The following SCLT1 variants were observed in gnomAD, a reference collection of about 807,000 sequenced individuals.
SCLT1 encodes sodium channel-associated protein 1.
SCLT1 carries 78 observed loss-of-function variants against 112.8 expected under a neutral mutation model. The observed-to-expected ratio is 0.69, with a 90% CI of 0.58 to 0.83. The LOEUF (loss-of-function observed/expected upper bound fraction) is 0.83, where lower values mean the gene tolerates loss of function less well. SCLT1 is among the 40% of genes least tolerant of loss of function. The pLI is 0.00. For synonymous variants in SCLT1, 257 were observed against 254.7 expected, an observed-to-expected ratio of 1.01 and a Z score of -0.09; for missense variants, 747 against 770.4, an observed-to-expected ratio of 0.97 and a Z score of 0.36.
At chr4:129,059,319 T>C (rs986838975) in intron 2 of SCLT1, among the ~76,000 whole-genome samples, 1 of 152,178 alleles carries the variant, frequency 6.6e-6, no homozygotes, top group African/African-American at 2.4e-5. Context: ...CCTGTCACTT[T>C]GTTATTTGTT....
downstream of SCLT1, among the ~76,000 whole-genome samples, chr4:128,881,480 T>C (rs917799074): frequency 8.5e-5 from 13 of 152,178 alleles, no homozygotes; most frequent in Admixed American, 8.5e-4. Context: ...TTTGGGGTGG[T>C]TATAATTCTC....
chr4:128,910,838 T>C (rs903302747), intron 18 of SCLT1, among the ~76,000 whole-genome samples: 1 of 152,164 alleles, frequency 6.6e-6, no homozygotes, highest in Non-Finnish European at 1.5e-5. Flanking sequence ...TCTGATTTTA[T>C]ATTTTTTTTT....
intron 18 of SCLT1, among the ~76,000 whole-genome samples, chr4:128,909,354 G>A (rs955483715): frequency 1.3e-5 from 2 of 151,984 alleles, no homozygotes; most frequent in African/African-American, 4.8e-5. Flanking sequence ...GGCTCAAGTG[G>A]TTCTCCCACC....
At chr4:128,970,045 A>G (rs564352677) in intron 10 of SCLT1, among the ~76,000 whole-genome samples, 48 of 152,328 alleles carry the variant, frequency 3.2e-4, no homozygotes, top group African/African-American at 1.1e-3. Context: ...ACTTTAGTAA[A>G]TAACATAAAA....
At chr4:128,901,118 C>T (rs545784081) in intron 18 of SCLT1, among the ~76,000 whole-genome samples, 23 of 152,288 alleles carry the variant, frequency 1.5e-4, no homozygotes, top group African/African-American at 4.6e-4. Context: ...TGAGGCAATT[C>T]CTCAGGGATC....
chr4:129,056,083 C>T (rs62316972), intron 2 of SCLT1, among the ~76,000 whole-genome samples: 13,399 of 152,212 alleles, frequency 0.088, 760 homozygotes, highest in South Asian at 0.15. Flanking sequence ...TGATGCTCCA[C>T]CCTGCTTCTG....
intron 2 of SCLT1, among the ~76,000 whole-genome samples, chr4:129,045,414 A>G (rs1748094754): frequency 6.6e-6 from 1 of 152,156 alleles, no homozygotes. Context: ...TAACATGACC[A>G]GAAATTTTGT....
intron 8 of SCLT1, among the ~76,000 whole-genome samples, chr4:128,995,597 A>C (rs547853248): frequency 6.6e-6 from 1 of 152,058 alleles, no homozygotes. Context: ...GACCCCCACA[A>C]ATCAGCTGGC....
chr4:129,072,941 G>A (rs997538016), intron 2 of SCLT1, among the ~76,000 whole-genome samples: 9 of 152,058 alleles, frequency 5.9e-5, no homozygotes. Context: ...CTCTATCAGA[G>A]GAAAGGTCTA....
rs1202738234 is a variant in SCLT1, at chr4:128,944,464, G to C, written c.1440-1276C>G. Among the ~76,000 whole-genome samples the C allele has an allele frequency of 3.3e-5, 5 of 152,120 alleles. No individual in the cohort carries two copies. In the East Asian group the frequency reaches 7.7e-4, roughly 23 times the overall value. On this transcript the variant is annotated intron_variant, in intron 16 of 20. Coordinates refer to ENST00000281142, the MANE Select transcript of SCLT1 (RefSeq NM_144643.4). ...TAGTTTTTAGGAATTACATGAGACA[G>C]AGTAAATAGCATCAATATACAGGCA...
At chr4:128,994,643 G>T (rs1202309711) in intron 8 of SCLT1, among the ~76,000 whole-genome samples, 1 of 152,004 alleles carries the variant, frequency 6.6e-6, no homozygotes, top group African/African-American at 2.4e-5. Context: ...AATGTTCAAG[G>T]TTTCCAATTT....
chr4:128,884,555 A>G lies in SCLT1; in HGVS notation c.2005-16T>C. 2 of 1,557,218 alleles carry G rather than the reference A, an allele frequency of 1.3e-6. No homozygotes were observed. Among genetic ancestry groups the G allele is most frequent in the East Asian group, 2.2e-5 (1 of 44,544 alleles). ...TCACACTGAGCTGCAATTAAAATAA[A>G]CAATCGGTAAGTAGTTACTTTTTCT... On this transcript the variant is annotated splice_polypyrimidine_tract_variant and intron_variant, in intron 20 of 20. Coordinates refer to ENST00000281142, the MANE Select transcript of SCLT1 (RefSeq NM_144643.4).
chr4:128,889,831 A>T (rs1197179479), intron 19 of SCLT1, among the ~76,000 whole-genome samples: 2 of 152,222 alleles, frequency 1.3e-5, no homozygotes, highest in East Asian at 3.8e-4. Flanking sequence ...CCTAATCAGG[A>T]AGAGTTAGAA....
At chr4:128,907,921 A>G (rs1310238291) in intron 18 of SCLT1, among the ~76,000 whole-genome samples, 1 of 152,226 alleles carries the variant, frequency 6.6e-6, no homozygotes, top group Non-Finnish European at 1.5e-5. Context: ...GAAATAAAAC[A>G]AAGTTACTTA....
At chr4:128,948,385 A>G in intron 15 of SCLT1, 111 bp downstream of exon 15, 1 of 1,222,854 alleles carries the variant, frequency 8.2e-7, no homozygotes, top group Non-Finnish European at 1.1e-6. Flanking sequence ...ACTTACCAGG[A>G]CAATACTAAC....
At chr4:128,985,959 C>T (rs1012919910) in intron 9 of SCLT1, among the ~76,000 whole-genome samples, 2 of 152,086 alleles carry the variant, frequency 1.3e-5, no homozygotes, top group Non-Finnish European at 2.9e-5. Context: ...CAACCATTCC[C>T]CTGCAAAAAT....
intron 18 of SCLT1, among the ~76,000 whole-genome samples, chr4:128,916,812 A>G (rs954633978): frequency 6.6e-6 from 1 of 152,198 alleles, no homozygotes; most frequent in Non-Finnish European, 1.5e-5. Context: ...GTATAGTTAT[A>G]CGTCTTGACT....
At chr4:129,024,736 T>C (rs1308870047) in intron 5 of SCLT1, among the ~76,000 whole-genome samples, 1 of 151,990 alleles carries the variant, frequency 6.6e-6, no homozygotes. Flanking sequence ...AGGCTTCAGA[T>C]GATCAAACTA....
At chr4:128,967,059 C>T (rs1740263200) in intron 10 of SCLT1, among the ~76,000 whole-genome samples, 1 of 152,112 alleles carries the variant, frequency 6.6e-6, no homozygotes, top group African/African-American at 2.4e-5. Flanking sequence ...CCTTTAGCGT[C>T]CATTTGTACT....
Sources: gnomAD v4.1 joint callset for allele counts (sites outside exome capture counted in the v4.1 genomes callset) on GRCh38, gnomAD v4.1.1 for gene constraint, MANE v1.5 for transcripts, NCBI Gene and HGNC (gene_info 2026-07-23, HGNC 2026-07-21) for gene names.